Variants in DPY19L1 observed in about 807,000 individuals in gnomAD.
The protein encoded by DPY19L1 is protein C-mannosyl-transferase DPY19L1.
DPY19L1 carries 35 observed loss-of-function variants against 96.9 expected under a neutral mutation model. That is an observed-to-expected ratio of 0.36 (90% CI 0.28 to 0.48). DPY19L1 has a LOEUF of 0.48. Ranked by LOEUF, DPY19L1 falls within the 20% of genes least tolerant of loss-of-function variation. The pLI is 0.99. For synonymous variants in DPY19L1, 205 were observed against 252.6 expected, an observed-to-expected ratio of 0.81 and a Z score of 1.79; for missense variants, 521 against 777.9, an observed-to-expected ratio of 0.67 and a Z score of 3.93.
At chr7:34,992,690 G>T (rs1014451558) in intron 6 of DPY19L1, among the ~76,000 whole-genome samples, 2 of 151,906 alleles carry the variant, frequency 1.3e-5, no homozygotes, top group African/African-American at 4.8e-5. Context: ...GAAACTACAG[G>T]TGTGACCCTG....
rs114590002 is a variant in DPY19L1, at chr7:34,945,533, G to T, written c.1544+134C>A. The T allele has an allele frequency of 2.6e-3, 1,707 of 653,080 alleles. 29 individuals carry two copies. In the African/African-American group the frequency reaches 0.029, roughly 11 times the overall value. The allele number at this position is 653,080 out of a possible 1,614,324, so 40.5% of individuals were successfully genotyped here. A position where few individuals can be genotyped will look rare whatever the true frequency, so the allele number is the denominator to read the frequency against. On this transcript the variant is annotated intron_variant, in intron 16 of 21. Coordinates refer to ENST00000638088, the MANE Select transcript of DPY19L1 (RefSeq NM_001366673.1). The stretch of plus-strand genomic sequence containing the variant: ...AGGAAATAAGAAGAAATGCCAGGAA[G>T]GGAAATGACCACAATAAAAACATCA...
chr7:34,981,452 T>C (rs1359375521), intron 7 of DPY19L1, among the ~76,000 whole-genome samples: 1 of 152,182 alleles, frequency 6.6e-6, no homozygotes, highest in Non-Finnish European at 1.5e-5. Context: ...GAAGAGGATA[T>C]TCAAGTGTCT....
At chr7:35,011,689 T>G (rs1328367388) in intron 4 of DPY19L1, among the ~76,000 whole-genome samples, 2 of 152,182 alleles carry the variant, frequency 1.3e-5, no homozygotes, top group African/African-American at 4.8e-5. Context: ...GTGCTAAATT[T>G]ATGTTTTTCA....
intron 6 of DPY19L1, among the ~76,000 whole-genome samples, chr7:34,995,128 C>A (rs1225281501): frequency 1.3e-5 from 2 of 152,144 alleles, no homozygotes; most frequent in African/African-American, 2.4e-5. Context: ...GTTAGAAACA[C>A]TGTGAAATGA....
intron 6 of DPY19L1, among the ~76,000 whole-genome samples, chr7:34,997,331 G>A (rs542057158): frequency 1.1e-4 from 16 of 148,886 alleles, no homozygotes; most frequent in Non-Finnish European, 2.2e-4. Flanking sequence ...AGTGGCTCAC[G>A]CCTGTAATCC....
Position 35,000,963 on chromosome 7 carries a change from T to C in DPY19L1, c.764+9505A>G, listed in dbSNP as rs328930. Among the ~76,000 whole-genome samples the C allele has an allele frequency of 1.6e-3, 245 of 152,334 alleles. 1 individual carries two copies. Among genetic ancestry groups the C allele is most frequent in the African/African-American group, 5.6e-3 (234 of 41,570 alleles). On this transcript the variant is annotated intron_variant, in intron 6 of 21. Coordinates refer to ENST00000638088, the MANE Select transcript of DPY19L1 (RefSeq NM_001366673.1). ...ACTTAAAATGTATTCTCAGAGACAG[T>C]AGAGCACACGTTTTGGAGCCACTGT... is the stretch of plus-strand genomic sequence containing the variant.
chr7:34,974,998 T>C (rs1421030564), intron 7 of DPY19L1, among the ~76,000 whole-genome samples: 2 of 152,158 alleles, frequency 1.3e-5, no homozygotes, highest in East Asian at 1.9e-4. Context: ...TAAATGTGTG[T>C]GTTCTAACTG....
At chr7:35,025,321 T>G (rs1290581583) in intron 1 of DPY19L1, among the ~76,000 whole-genome samples, 3 of 152,090 alleles carry the variant, frequency 2.0e-5, no homozygotes, top group Non-Finnish European at 4.4e-5. Flanking sequence ...TAAAGAAACA[T>G]AGCCAATATC....
chr7:34,952,714 T>C (rs369612632), intron 13 of DPY19L1, among the ~76,000 whole-genome samples: 212 of 152,092 alleles, frequency 1.4e-3, no homozygotes, highest in Non-Finnish European at 2.5e-3. Flanking sequence ...GGATACAAAC[T>C]AGATCAACAC....
In DPY19L1 at chr7:34,983,006, G is replaced by A. The variant is rs1784973269; in HGVS notation, c.822+6878C>T. ...CCTGAGTTAAGCACCTGGAAAGTTG[G>A]AGACTGAGACAAAGAAAAAAGAAAT... On this transcript the variant is annotated intron_variant, in intron 7 of 21. Coordinates refer to ENST00000638088, the MANE Select transcript of DPY19L1 (RefSeq NM_001366673.1). Among the ~76,000 whole-genome samples, 3 of 152,198 alleles carry A rather than the reference G, an allele frequency of 2.0e-5. No individual in the cohort carries two copies. The South Asian group carries it at 6.2e-4, about 31-fold the overall frequency.
chr7:34,974,443 C>T (rs1472767720), intron 7 of DPY19L1, among the ~76,000 whole-genome samples: 3 of 152,112 alleles, frequency 2.0e-5, no homozygotes, highest in Non-Finnish European at 4.4e-5. Flanking sequence ...TTCGCTGTAC[C>T]TCAGACTACT....
chr7:34,967,364 T>G (rs1784633307), intron 9 of DPY19L1, among the ~76,000 whole-genome samples: 2 of 152,180 alleles, frequency 1.3e-5, no homozygotes. Flanking sequence ...GAAAAATAAT[T>G]ATGCAATGCA....
intron 7 of DPY19L1, among the ~76,000 whole-genome samples, chr7:34,979,226 T>C (rs1239387843): frequency 6.6e-6 from 1 of 152,130 alleles, no homozygotes; most frequent in East Asian, 1.9e-4. Flanking sequence ...CATTGCTTAT[T>C]CATCTAAAAT....
intron 4 of DPY19L1, 137 bp from the exon 5 acceptor site, chr7:35,011,587 A>C: frequency 1.2e-6 from 1 of 828,592 alleles, no homozygotes; most frequent in Non-Finnish European, 1.8e-6. Context: ...AAATGTAGTA[A>C]AACAAGGCTC....
At chr7:34,956,887 A>G (rs1784390300) in intron 11 of DPY19L1, among the ~76,000 whole-genome samples, 1 of 152,042 alleles carries the variant, frequency 6.6e-6, no homozygotes, top group South Asian at 2.1e-4. Flanking sequence ...AAATTAAGAA[A>G]CCCCAAATGA....
rs1784680018 is a variant in DPY19L1 at position 34,969,460 on chromosome 7, C to G, written c.987G>C (p.Gln329His). Residue 329 changes from glutamine to histidine, a missense_variant, in exon 9 of 22, where the codon CAG becomes CAC. Physicochemically the swap from Gln to His is conservative, Grantham distance 24 (BLOSUM62 0). Coordinates refer to ENST00000638088, the MANE Select transcript of DPY19L1 (RefSeq NM_001366673.1). ...GAGTAAGAAGTACAAACTGAGCAAA[C>G]TGCCAAGGAAGCATGAAAAATACAT... ...ISNVFFMLPW[Q>H]FAQFVLLTQI... is the part of the protein sequence containing the mutation. 1.3e-6 allele frequency: 2 copies of G among 1,573,952 alleles called. No homozygotes were observed. Among genetic ancestry groups the G allele is most frequent in the African/African-American group, 2.7e-5 (2 of 72,942 alleles).
chr7:35,027,447 A>G (rs1786150825), intron 1 of DPY19L1, among the ~76,000 whole-genome samples: 2 of 152,116 alleles, frequency 1.3e-5, no homozygotes, highest in African/African-American at 4.8e-5. Context: ...GAATAGGGAA[A>G]GAAATCTATT....
chr7:34,997,364 G>A (rs1415915849), intron 6 of DPY19L1, among the ~76,000 whole-genome samples: 2 of 149,178 alleles, frequency 1.3e-5, no homozygotes, highest in Non-Finnish European at 3.0e-5. Flanking sequence ...AGGCCGAGGC[G>A]GGCGGATCAC....
At position 34,947,612 on chromosome 7, in the gene DPY19L1, C is replaced by T. The variant is rs745866361; in HGVS notation, c.1494+18G>A. ...AAATATTCTATTATAAGAAAGAGCTCTTAAGTGATAGACATACCTTTCTAA... is the reference window on the plus strand; with the variant it reads ...AAATATTCTATTATAAGAAAGAGCTTTTAAGTGATAGACATACCTTTCTAA... On this transcript the variant is annotated intron_variant, in intron 15 of 21. Transcript: ENST00000638088. 2.0e-5 allele frequency: 32 copies of T among 1,595,140 alleles called. No homozygotes were observed. The highest frequency in any genetic ancestry group is 4.3e-6 in the Non-Finnish European group (5 of 1,170,448).
Sources: allele counts gnomAD v4.1 joint callset (sites outside exome capture counted in the v4.1 genomes callset), GRCh38; gene constraint gnomAD v4.1.1; transcripts MANE v1.5; gene names NCBI Gene and HGNC (gene_info 2026-07-23, HGNC 2026-07-21).